Variants in ADGRB3 observed in about 807,000 individuals in gnomAD.
ADGRB3 encodes adhesion G protein-coupled receptor B3, also known as brain-specific angiogenesis inhibitor 3.
Under a neutral mutation model 193.4 loss-of-function variants are expected in ADGRB3, and 37 were observed. That is an observed-to-expected ratio of 0.19 (90% confidence interval 0.15 to 0.25). ADGRB3 has a LOEUF of 0.25. Ranked by LOEUF, ADGRB3 falls within the 10% of genes least tolerant of loss-of-function variation. ADGRB3 has a pLI of 1.00. For missense variants in ADGRB3, 1,637 were observed against 1,852.9 expected (o/e 0.88, Z 2.14); for synonymous variants, 690 against 644.2 (o/e 1.07, Z -1.08).
intron 17 of ADGRB3, among the ~76,000 whole-genome samples, chr6:69,167,982 T>G (rs1775173050): frequency 6.6e-6 from 1 of 152,204 alleles, no homozygotes; most frequent in Non-Finnish European, 1.5e-5. Context: ...ACAGTTACCT[T>G]GCATTGCAAA....
intron 17 of ADGRB3, among the ~76,000 whole-genome samples, chr6:69,210,793 T>C (rs1765647297): frequency 6.6e-6 from 1 of 152,126 alleles, no homozygotes; most frequent in Non-Finnish European, 1.5e-5. Context: ...CCAGCTTCCC[T>C]GCCATTTTAA....
At chr6:69,117,192 T>A (rs187438048) in intron 17 of ADGRB3, among the ~76,000 whole-genome samples, 2,619 of 152,334 alleles carry the variant, frequency 0.017, 39 homozygotes, top group Non-Finnish European at 0.025. Flanking sequence ...GATACAGATA[T>A]AATATAGTTA....
intron 3 of ADGRB3, among the ~76,000 whole-genome samples, chr6:68,883,143 G>A (rs151094034): frequency 1.9e-4 from 29 of 152,266 alleles, no homozygotes; most frequent in African/African-American, 7.0e-4. Flanking sequence ...ACACCAATCA[G>A]CACCCTGTCT....
At chr6:68,932,245 G>A (rs1767358606) in intron 4 of ADGRB3, among the ~76,000 whole-genome samples, 1 of 152,156 alleles carries the variant, frequency 6.6e-6, no homozygotes, top group Admixed American at 6.6e-5. Context: ...GGAGTCAATA[G>A]GAAGTGAAAT....
chr6:69,373,723 A>T (rs961514822), intron 30 of ADGRB3, among the ~76,000 whole-genome samples: 1 of 152,036 alleles, frequency 6.6e-6, no homozygotes, highest in African/African-American at 2.4e-5. Flanking sequence ...CCAAAAATAG[A>T]GGATCAGACT....
intron 17 of ADGRB3, among the ~76,000 whole-genome samples, chr6:69,088,617 G>A (rs1459772496): frequency 6.6e-6 from 1 of 152,154 alleles, no homozygotes; most frequent in Admixed American, 6.5e-5. Context: ...CAGGTGATCT[G>A]CCTGCCTTGG....
chr6:68,823,012 G>A (rs1767774972), intron 3 of ADGRB3, among the ~76,000 whole-genome samples: 1 of 151,954 alleles, frequency 6.6e-6, no homozygotes, highest in Non-Finnish European at 1.5e-5. Flanking sequence ...AAAGATGATT[G>A]CTACTTTCAA....
At chr6:69,158,554 T>C (rs988888376) in intron 17 of ADGRB3, among the ~76,000 whole-genome samples, 5 of 151,900 alleles carry the variant, frequency 3.3e-5, no homozygotes, top group African/African-American at 4.8e-5. Flanking sequence ...TCAAATGAAA[T>C]ATGGCTTTAT....
intron 17 of ADGRB3, among the ~76,000 whole-genome samples, chr6:69,082,211 A>G (rs1406961040): frequency 6.6e-6 from 1 of 152,068 alleles, no homozygotes; most frequent in Non-Finnish European, 1.5e-5. Context: ...TCTGCCCCAA[A>G]CAGTGCTTTC....
chr6:68,713,082 A>AT lies in ADGRB3; in HGVS notation c.757+73657dup, dbSNP rs890300771. Among the ~76,000 whole-genome samples the AT allele has an allele frequency of 3.0e-4, 46 of 151,892 alleles. 1 individual carries two copies. The East Asian group carries it at 6.4e-3, about 21-fold the overall frequency. ...TGAAGGTTATACTTTGAATCAGCAG[A>AT]TTTTTTTACTTCTCAGCCTTTTCTT... On this transcript the variant is annotated intron_variant, in intron 3 of 31. Transcript: ENST00000370598.
At chr6:68,757,659 C>A (rs1483303612) in intron 3 of ADGRB3, among the ~76,000 whole-genome samples, 1 of 151,820 alleles carries the variant, frequency 6.6e-6, no homozygotes, top group Non-Finnish European at 1.5e-5. Context: ...CTGCAAGTCC[C>A]AAAGATGCTT....
At chr6:68,666,201 G>A (rs1025730476) in intron 3 of ADGRB3, among the ~76,000 whole-genome samples, 6 of 151,876 alleles carry the variant, frequency 4.0e-5, no homozygotes, top group Admixed American at 3.3e-4. Flanking sequence ...TTTAAGGCAT[G>A]TTTGAAACTT....
chr6:68,693,471 A>G (rs944335051), intron 3 of ADGRB3, among the ~76,000 whole-genome samples: 1 of 152,010 alleles, frequency 6.6e-6, no homozygotes, highest in Admixed American at 6.6e-5. Flanking sequence ...CTGATGACTC[A>G]GCTCCATAGA....
chr6:69,347,786 A>G (rs1261181364), intron 26 of ADGRB3, among the ~76,000 whole-genome samples: 1 of 152,058 alleles, frequency 6.6e-6, no homozygotes, highest in Non-Finnish European at 1.5e-5. Flanking sequence ...CCTCATCTCT[A>G]AAAAGAAAAA....
At chr6:69,056,968 A>G (rs1473115876) in intron 15 of ADGRB3, among the ~76,000 whole-genome samples, 1 of 152,146 alleles carries the variant, frequency 6.6e-6, no homozygotes, top group Non-Finnish European at 1.5e-5. Flanking sequence ...CTGCAAAAAT[A>G]CCATTTGGAT....
chr6:68,766,662 T>C (rs999988650), intron 3 of ADGRB3, among the ~76,000 whole-genome samples: 1 of 152,066 alleles, frequency 6.6e-6, no homozygotes, highest in Non-Finnish European at 1.5e-5. Flanking sequence ...ATTGTAAACA[T>C]GTATACTAAA....
chr6:69,308,388 G>A (rs1411703447), intron 20 of ADGRB3, among the ~76,000 whole-genome samples: 2 of 150,652 alleles, frequency 1.3e-5, no homozygotes, highest in Non-Finnish European at 3.0e-5. Context: ...GGGAGATATG[G>A]AGGAATTGAG....
At chr6:68,674,287 G>T (rs896320623) in intron 3 of ADGRB3, among the ~76,000 whole-genome samples, 11 of 152,004 alleles carry the variant, frequency 7.2e-5, no homozygotes, top group Non-Finnish European at 1.6e-4. Context: ...TAGTTGCAAC[G>T]TAACATGATT....
intron 3 of ADGRB3, among the ~76,000 whole-genome samples, chr6:68,917,358 A>G (rs1162754127): frequency 6.6e-6 from 1 of 152,198 alleles, no homozygotes; most frequent in East Asian, 1.9e-4. Context: ...AATCATTAGA[A>G]AGTTCTTCCT....
Sources: allele counts gnomAD v4.1 joint callset (sites outside exome capture counted in the v4.1 genomes callset), GRCh38; gene constraint gnomAD v4.1.1; transcripts MANE v1.5; gene names NCBI Gene and HGNC (gene_info 2026-07-23, HGNC 2026-07-21).